Variants in MCTP1 observed in about 807,000 individuals in gnomAD.
MCTP1 encodes multiple C2 and transmembrane domain containing 1, also known as multiple C2 and transmembrane domain-containing protein 1.
Under a neutral mutation model 120.6 loss-of-function variants are expected in MCTP1, and 69 were observed. The ratio of observed to expected loss-of-function variants is 0.57; its 90% confidence interval spans 0.47 to 0.70. The LOEUF (loss-of-function observed/expected upper bound fraction) is 0.70. Among genes scored for constraint, MCTP1 ranks in the 30% least tolerant of loss-of-function variants. The pLI is 0.00. For synonymous variants in MCTP1, 529 were observed against 493.1 expected (o/e 1.07, Z -0.96); for missense variants, 1,203 against 1,248.8 (o/e 0.96, Z 0.55).
intron 19 of MCTP1, among the ~76,000 whole-genome samples, chr5:94,741,678 C>T (rs1765561868): frequency 6.6e-6 from 1 of 152,158 alleles, no homozygotes; most frequent in Admixed American, 6.5e-5. Flanking sequence ...ATAATAGCAG[C>T]CCATGCCACC....
chr5:95,014,824 T>C (rs944952081), intron 2 of MCTP1, among the ~76,000 whole-genome samples: 1 of 152,160 alleles, frequency 6.6e-6, no homozygotes, highest in Admixed American at 6.6e-5. Context: ...CAGCATCTCA[T>C]GCTACAGATA....
At chr5:95,055,930 A>G (rs989030198) in intron 1 of MCTP1, among the ~76,000 whole-genome samples, 5 of 152,244 alleles carry the variant, frequency 3.3e-5, no homozygotes, top group African/African-American at 1.2e-4. Flanking sequence ...ATAAAAATCA[A>G]TATTTTGACT....
intron 19 of MCTP1, among the ~76,000 whole-genome samples, chr5:94,762,221 A>G (rs999346229): frequency 2.5e-4 from 38 of 152,352 alleles, no homozygotes; most frequent in African/African-American, 7.7e-4. Context: ...CTCTTTAATG[A>G]CTTTTAATGA....
At chr5:95,106,880 T>C (rs1362003324) in intron 1 of MCTP1, among the ~76,000 whole-genome samples, 1 of 152,180 alleles carries the variant, frequency 6.6e-6, no homozygotes, top group African/African-American at 2.4e-5. Flanking sequence ...TTGGTAAACA[T>C]GCTTAGAGAA....
chr5:94,957,988 C>T (rs1238818854), intron 2 of MCTP1, among the ~76,000 whole-genome samples: 1 of 152,188 alleles, frequency 6.6e-6, no homozygotes, highest in African/African-American at 2.4e-5. Context: ...CACCACATTA[C>T]ACTTATTCTA....
chr5:95,011,524 G>A (rs72777373), intron 2 of MCTP1, among the ~76,000 whole-genome samples: 25,500 of 151,956 alleles, frequency 0.17, 2,666 homozygotes, highest in East Asian at 0.47. Flanking sequence ...ACTCGATCAC[G>A]GGGGCAGTTT....
At chr5:95,236,217 A>G (rs114739472) in intron 1 of MCTP1, among the ~76,000 whole-genome samples, 1 of 152,204 alleles carries the variant, frequency 6.6e-6, no homozygotes, top group Non-Finnish European at 1.5e-5. Flanking sequence ...TCTTAACAAC[A>G]TGATGAAGAA....
At chr5:95,268,659 C>T (rs1396642544) in intron 1 of MCTP1, among the ~76,000 whole-genome samples, 1 of 152,154 alleles carries the variant, frequency 6.6e-6, no homozygotes, top group Non-Finnish European at 1.5e-5. Flanking sequence ...GTCCTAAGAC[C>T]AACAACCTGT....
intron 1 of MCTP1, among the ~76,000 whole-genome samples, chr5:95,076,642 G>T (rs545697475): frequency 6.6e-6 from 1 of 152,224 alleles, no homozygotes; most frequent in Non-Finnish European, 1.5e-5. Context: ...ATTTCTAAGC[G>T]AGGGAAATCA....
intron 2 of MCTP1, chr5:94,980,760 G>A (rs1418746377): frequency 6.6e-6 from 1 of 151,974 alleles, no homozygotes; most frequent in Admixed American, 6.6e-5. Context: ...TTCAATGAGA[G>A]AAGTTTTAAA....
intron 18 of MCTP1, among the ~76,000 whole-genome samples, chr5:94,795,909 G>T (rs1490985461): frequency 6.6e-6 from 1 of 152,152 alleles, no homozygotes; most frequent in Non-Finnish European, 1.5e-5. Flanking sequence ...GATTACATCT[G>T]ATTTTGCTCA....
At chr5:94,751,529 G>A (rs562385943) in intron 19 of MCTP1, among the ~76,000 whole-genome samples, 2 of 152,018 alleles carry the variant, frequency 1.3e-5, no homozygotes, top group South Asian at 2.1e-4. Flanking sequence ...TAATATGTGC[G>A]AGGGCTATAG....
chr5:95,126,834 C>T (rs1356003476), intron 1 of MCTP1, among the ~76,000 whole-genome samples: 1 of 152,088 alleles, frequency 6.6e-6, no homozygotes, highest in East Asian at 1.9e-4. Context: ...GTGCCCAACT[C>T]ATTTAATTTT....
chr5:94,865,675 A>G (rs1238989410), intron 17 of MCTP1, among the ~76,000 whole-genome samples: 1 of 151,962 alleles, frequency 6.6e-6, no homozygotes, highest in Non-Finnish European at 1.5e-5. Context: ...AATATCTACA[A>G]GATGAATAAA....
chr5:94,872,715 A>C (rs569510814), intron 13 of MCTP1, among the ~76,000 whole-genome samples: 39 of 152,242 alleles, frequency 2.6e-4, no homozygotes, highest in African/African-American at 9.4e-4. Flanking sequence ...GCTAAAATGA[A>C]AAGAACCAAA....
intron 17 of MCTP1, among the ~76,000 whole-genome samples, chr5:94,799,838 G>A (rs548900831): frequency 1.8e-4 from 28 of 152,138 alleles, no homozygotes; most frequent in African/African-American, 6.7e-4. Context: ...AGAACTCAGG[G>A]TGGTAGATGG....
At chr5:94,857,051 T>G (rs79033090) in intron 17 of MCTP1, among the ~76,000 whole-genome samples, 1,571 of 151,870 alleles carry the variant, frequency 0.01, 28 homozygotes, top group African/African-American at 0.036. Flanking sequence ...TGTATGGATC[T>G]CACAGCAGAC....
At chr5:94,919,024 T>A (rs557763642) in intron 7 of MCTP1, among the ~76,000 whole-genome samples, 7 of 152,222 alleles carry the variant, frequency 4.6e-5, no homozygotes, top group Admixed American at 4.6e-4. Flanking sequence ...ACTAAGAAAT[T>A]CATGGTACAA....
chr5:95,065,520 T>A lies in MCTP1; in HGVS notation c.721-48036A>T, dbSNP rs539430571. ...ATTAAAGGCAAAATTTATATGATTA[T>A]CTGAAAAGATATAGGGAAAACATTT... On this transcript the variant is annotated intron_variant, in intron 1 of 22. Coordinates refer to ENST00000515393, the MANE Select transcript of MCTP1 (RefSeq NM_024717.7). Among the ~76,000 whole-genome samples, 3 of 152,304 alleles carry A rather than the reference T, an allele frequency of 2.0e-5. No homozygotes were observed. The South Asian group carries it at 6.2e-4, about 32-fold the overall frequency.
Sources: allele counts gnomAD v4.1 joint callset (sites outside exome capture counted in the v4.1 genomes callset), GRCh38; gene constraint gnomAD v4.1.1; transcripts MANE v1.5; gene names NCBI Gene and HGNC (gene_info 2026-07-23, HGNC 2026-07-21).